Variants in MYO16 observed in about 807,000 individuals in gnomAD.
MYO16 encodes the protein myosin XVI.
MYO16 carries 94 observed loss-of-function variants against 205.3 expected under a neutral mutation model. The ratio of observed to expected loss-of-function variants is 0.46; its 90% CI spans 0.39 to 0.54. The LOEUF (loss-of-function observed/expected upper bound fraction) is 0.54, where lower values mean the gene tolerates loss of function less well. Ranked by LOEUF, MYO16 falls within the 20% of genes least tolerant of loss-of-function variation. The probability of loss-of-function intolerance (pLI) is 0.00; values close to 1 mark genes in which losing one functional copy is unlikely to be tolerated. For synonymous variants in MYO16, 988 were observed against 954.0 expected (o/e 1.04, Z -0.66); for missense variants, 2,315 against 2,387.5 (o/e 0.97, Z 0.63).
Position 108,677,935 on chromosome 13 carries a change from AAAG to A in MYO16, c.292+11795_292+11797del, listed in dbSNP as rs138148188. On this transcript the variant is annotated intron_variant, in intron 2 of 34. Transcript: ENST00000457511. ...TATTGTGCTCACAACAGTCTATGAG[AAAG>A]AAGAAGAACTGGCTGGTGATTTTCA... 2.1e-3 allele frequency among the ~76,000 whole-genome samples: 313 copies of A among 152,326 alleles called. 5 individuals are homozygous for A. Among genetic ancestry groups the A allele is most frequent in the Admixed American group, 0.017 (257 of 15,306 alleles).
chr13:108,756,930 G>T (rs191942260), intron 4 of MYO16, among the ~76,000 whole-genome samples: 27 of 152,180 alleles, frequency 1.8e-4, no homozygotes, highest in African/African-American at 6.5e-4. Flanking sequence ...ACAGTCTATG[G>T]GATGGCTTAA....
intron 16 of MYO16, among the ~76,000 whole-genome samples, chr13:108,921,276 A>C (rs1881735306): frequency 6.6e-6 from 1 of 152,070 alleles, no homozygotes. Context: ...CCTCTTTCTG[A>C]CAGACCTGCT....
chr13:109,124,139 C>G (rs1249557809), intron 29 of MYO16, among the ~76,000 whole-genome samples: 1 of 152,202 alleles, frequency 6.6e-6, no homozygotes, highest in Non-Finnish European at 1.5e-5. Flanking sequence ...TTTCATGAGG[C>G]AGCCTGATCC....
chr13:108,535,740 C>A, the MYO16 span, among the ~76,000 whole-genome samples: 2 of 152,082 alleles, frequency 1.3e-5, no homozygotes, highest in African/African-American at 4.8e-5. Flanking sequence ...CAGGTCAAAC[C>A]AGAATTCAAG....
chr13:108,764,807 G>C (rs1415098322), intron 4 of MYO16, among the ~76,000 whole-genome samples: 1 of 152,098 alleles, frequency 6.6e-6, no homozygotes, highest in Non-Finnish European at 1.5e-5. Flanking sequence ...CACTCAAGCT[G>C]GCTCCCCAGA....
At chr13:108,868,031 A>G (rs1345907368) in intron 12 of MYO16, among the ~76,000 whole-genome samples, 1 of 152,214 alleles carries the variant, frequency 6.6e-6, no homozygotes, top group African/African-American at 2.4e-5. Flanking sequence ...ATGGCTGTAT[A>G]AAATTTCCTT....
the MYO16 span, among the ~76,000 whole-genome samples, chr13:108,590,289 C>G: frequency 6.6e-6 from 1 of 152,134 alleles, no homozygotes; most frequent in South Asian, 2.1e-4. Flanking sequence ...TTGGTATGCA[C>G]TATAATTGTT....
intron 16 of MYO16, among the ~76,000 whole-genome samples, chr13:108,929,454 A>G (rs1882152639): frequency 1.3e-5 from 2 of 152,360 alleles, no homozygotes; most frequent in East Asian, 3.9e-4. Context: ...GAAAATAGAC[A>G]CACACACTCC....
chr13:108,957,467 A>AGTAAAGC (rs1253052880), intron 16 of MYO16, among the ~76,000 whole-genome samples: 2 of 151,838 alleles, frequency 1.3e-5, no homozygotes, highest in East Asian at 3.9e-4. Context: ...ATGAAAACCG[A>AGTAAAGC]GTAAAGCAAT....
At chr13:109,025,073 G>A (rs9583326) in intron 23 of MYO16, among the ~76,000 whole-genome samples, 2,567 of 152,196 alleles carry the variant, frequency 0.017, 74 homozygotes, top group African/African-American at 0.059. Context: ...TGGCCCTGGG[G>A]TTCTTGGCTT....
At chr13:108,847,249 G>A (rs1877570441) in intron 10 of MYO16, among the ~76,000 whole-genome samples, 1 of 152,142 alleles carries the variant, frequency 6.6e-6, no homozygotes, top group Admixed American at 6.5e-5. Flanking sequence ...TTTTATAATT[G>A]TATCCTAGAC....
Position 109,125,040 on chromosome 13 carries a change from T to C in MYO16, c.3536-72T>C, listed in dbSNP as rs1876176502. On this transcript the variant is annotated intron_variant, in intron 29 of 34. Coordinates refer to ENST00000457511, the MANE Select transcript of MYO16 (RefSeq NM_001198950.3). The surrounding 1 kb of genome is among the most constrained non-coding windows in gnomAD (Gnocchi z 4.0). The stretch of plus-strand genomic sequence containing the variant: ...CAACTGCTCAGAGATAAGTATATTA[T>C]GATTTTTGTTTGTGCATGTCTGAGT... The C allele has an allele frequency of 2.7e-6, 4 of 1,486,994 alleles. No homozygotes were observed. The highest frequency in any genetic ancestry group is 3.7e-6 in the Non-Finnish European group (4 of 1,085,144). The allele number at this position is 1,486,994 out of a possible 1,614,324, so 92.1% of individuals were successfully genotyped here.
chr13:108,950,929 A>G (rs887760567), intron 16 of MYO16, among the ~76,000 whole-genome samples: 4 of 152,190 alleles, frequency 2.6e-5, no homozygotes, highest in Non-Finnish European at 5.9e-5. Flanking sequence ...TTTTTGATTC[A>G]TAGTTTGGTA....
intron 28 of MYO16, among the ~76,000 whole-genome samples, chr13:109,109,819 C>G (rs185896597): frequency 4.9e-4 from 75 of 152,258 alleles, no homozygotes; most frequent in South Asian, 6.2e-4. Flanking sequence ...ATGGGATTCT[C>G]AAAGCAAACG....
chr13:108,660,902 T>G (rs1881473313), intron 1 of MYO16, among the ~76,000 whole-genome samples: 1 of 152,236 alleles, frequency 6.6e-6, no homozygotes. Context: ...GTGTGCTTTA[T>G]GCTTTAAAGA....
In MYO16 at chr13:108,961,652, A is replaced by G. The variant is rs1883587369; in HGVS notation, c.2151A>G (p.Glu717=). ...TCGTTTCTGACCTCCAGCTCCTGGA[A>G]CAAGGTCAGTGGAACATGACCTTCT... The part of the protein sequence containing the change: ...SAFVSDLQLL[E]QVAGMLQVST... Residue 717 remains glutamate, a synonymous_variant, in exon 18 of 35, where the codon GAA becomes GAG. Transcript: ENST00000457511. 2 of 1,610,252 alleles carry G rather than the reference A, an allele frequency of 1.2e-6. No individual in the cohort carries two copies. The highest frequency in any genetic ancestry group is 1.7e-5 in the Admixed American group (1 of 59,992).
intron 4 of MYO16, among the ~76,000 whole-genome samples, chr13:108,769,412 G>T (rs1342909969): frequency 6.6e-6 from 1 of 152,142 alleles, no homozygotes; most frequent in Non-Finnish European, 1.5e-5. Context: ...CAGAGAGAGG[G>T]TTGGGAGCAG....
At chr13:108,526,701 A>G in the MYO16 span, among the ~76,000 whole-genome samples, 2 of 152,242 alleles carry the variant, frequency 1.3e-5, no homozygotes, top group African/African-American at 4.8e-5. Context: ...CTTTCCATTT[A>G]TTCCTCAACC....
In MYO16 at chr13:109,206,902, G is replaced by A. The variant is rs1320632979; in HGVS notation, c.*66G>A. Reference sequence around the variant, plus strand: ...TGATTCCGGGCTGCAACAACAGAAGGCTGCCTTCTGACATGCGCTGGGGCT... The same window carrying A: ...TGATTCCGGGCTGCAACAACAGAAGACTGCCTTCTGACATGCGCTGGGGCT... On this transcript the variant is annotated 3_prime_UTR_variant, in exon 35 of 35. Transcript: ENST00000457511. 2 of 1,448,542 alleles carry A rather than the reference G, an allele frequency of 1.4e-6. No homozygotes were observed. Among genetic ancestry groups the A allele is most frequent in the African/African-American group, 1.4e-5 (1 of 70,916 alleles). The allele number at this position is 1,448,542 out of a possible 1,614,324, so 89.7% of individuals were successfully genotyped here.
Sources: allele counts gnomAD v4.1 joint callset (sites outside exome capture counted in the v4.1 genomes callset), GRCh38; gene constraint gnomAD v4.1.1; non-coding constraint Gnocchi (gnomAD v3.1); transcripts MANE v1.5; gene names NCBI Gene and HGNC (gene_info 2026-07-23, HGNC 2026-07-21).